Variants in USP38 observed in about 807,000 individuals in gnomAD.
USP38 encodes ubiquitin specific peptidase 38, also known as ubiquitin carboxyl-terminal hydrolase 38.
In USP38, 49 loss-of-function variants were observed where a neutral mutation model predicts 94.3. The ratio of observed to expected loss-of-function variants is 0.52; its 90% CI spans 0.41 to 0.66. USP38 has a LOEUF of 0.66. USP38 is among the 30% of genes least tolerant of loss of function. The pLI is 0.00. For synonymous variants in USP38, 468 were observed against 463.6 expected, an observed-to-expected ratio of 1.01 and a Z score of -0.12; for missense variants, 1,128 against 1,229.4, an observed-to-expected ratio of 0.92 and a Z score of 1.23.
chr4:143,204,669 A>ACCACACC, intron 5 of USP38: 7 of 292,750 alleles, frequency 2.4e-5, no homozygotes, highest in South Asian at 5.6e-5. Context: ...GGCATGAGCC[A>ACCACACC]CTGTGCCTAG....
Position 143,185,096 on chromosome 4 carries a change from A to C in USP38, c.-355A>C. ...GGCGTGCTTCCTCCACCCGCCGGCT[A>C]GCAGCCCCGGGCCCTGAGCTCCCGC... On this transcript the variant is annotated 5_prime_UTR_variant, in exon 1 of 10. Transcript: ENST00000307017. 3 of 190,452 alleles carry C rather than the reference A, an allele frequency of 1.6e-5. No homozygotes were observed. The highest frequency in any genetic ancestry group is 1.1e-5 in the Non-Finnish European group (1 of 93,948). 11.8% of individuals were successfully genotyped at this position (190,452 alleles called of 1,614,324 possible). A position where few individuals can be genotyped will look rare whatever the true frequency, so the allele number is the denominator to read the frequency against.
rs747002406 is a variant in USP38 at position 143,214,160 on chromosome 4, A to G, written c.2184A>G (p.Pro728=). 1.2e-6 allele frequency: 2 copies of G among 1,612,818 alleles called. No homozygotes were observed. The highest frequency in any genetic ancestry group is 8.5e-7 in the Non-Finnish European group (1 of 1,179,566). Reference sequence around the variant, plus strand: ...ACTTACTAAATTATTTTTTGGCTCCAGAGATTCTTACTGGTGATAACCAAT... The same window carrying G: ...ACTTACTAAATTATTTTTTGGCTCCGGAGATTCTTACTGGTGATAACCAAT... ...VTDLLNYFLA[P]EILTGDNQYY... The change falls in exon 9 of 10, where the codon CCA becomes CCG. Residue 728 remains proline, a synonymous_variant. Coordinates refer to ENST00000307017, the MANE Select transcript of USP38 (RefSeq NM_032557.6).
rs752552128 is a variant in USP38 at position 143,214,527 on chromosome 4, A to G, written c.2551A>G (p.Ile851Val). The change falls in exon 9 of 10, where the codon ATA becomes GTA. Residue 851 changes from isoleucine to valine, a missense_variant. Ile to Val is a conservative substitution (Grantham distance 29). Transcript: ENST00000307017. ...LLSSVVVHSG[I>V]SSESGHYYSY... ...AAGTTCCGTTGTGGTTCACTCTGGT[A>G]TATCCTCTGAAAGTGGGCATTACTA... 12 of 1,613,532 alleles carry G rather than the reference A, an allele frequency of 7.4e-6. No homozygotes were observed. The Admixed American group carries it at 1.8e-4, about 25-fold the overall frequency.
intron 9 of USP38, among the ~76,000 whole-genome samples, 193 bp from the exon 10 acceptor site, chr4:143,220,102 T>A (rs1732284189): frequency 6.6e-6 from 1 of 152,118 alleles, no homozygotes; most frequent in Admixed American, 6.5e-5. Context: ...TTCCAGTATG[T>A]TTTAGAGAGT....
chr4:143,214,194 G>A lies in USP38; in HGVS notation c.2218G>A (p.Glu740Lys). The change falls in exon 9 of 10, where the codon GAA becomes AAA. Residue 740 changes from glutamate (E) to lysine (K), a missense_variant. Glu to Lys is a moderately conservative substitution (Grantham distance 56). Coordinates refer to ENST00000307017, the MANE Select transcript of USP38 (RefSeq NM_032557.6). ...ILTGDNQYYC[E>K]NCASLQNAEK... ...TACTGGTGATAACCAATATTATTGT[G>A]AAAACTGTGCCTCTCTGCAAAATGC... The A allele has an allele frequency of 6.2e-7, 1 of 1,613,592 alleles. No individual in the cohort carries two copies. The highest frequency in any genetic ancestry group is 8.5e-7 in the Non-Finnish European group (1 of 1,179,808).
intron 8 of USP38, among the ~76,000 whole-genome samples, chr4:143,212,659 C>CA (rs1732060503): frequency 6.6e-6 from 1 of 151,940 alleles, no homozygotes; most frequent in South Asian, 2.1e-4. Flanking sequence ...TGCGGGTTCC[C>CA]AAAACACTTT....
intron 6 of USP38, among the ~76,000 whole-genome samples, chr4:143,208,420 A>C (rs1013722523): frequency 2.0e-5 from 3 of 152,076 alleles, no homozygotes; most frequent in Admixed American, 2.0e-4. Context: ...TATCTTTCAA[A>C]TTGCTCTCCA....
At chr4:143,208,330 T>C (rs1365896023) in intron 6 of USP38, among the ~76,000 whole-genome samples, 1 of 152,140 alleles carries the variant, frequency 6.6e-6, no homozygotes, top group African/African-American at 2.4e-5. Flanking sequence ...GTTTTGCTTA[T>C]AATTAACATC....
intron 2 of USP38, among the ~76,000 whole-genome samples, chr4:143,192,769 G>A (rs28704746): frequency 0.059 from 8,902 of 151,742 alleles, 771 homozygotes; most frequent in African/African-American, 0.19. Flanking sequence ...AATTTTGGAG[G>A]GACACAAACA....
chr4:143,195,592 T>G (rs1244836486), intron 2 of USP38, 124 bp from the exon 3 acceptor site: 5 of 1,054,116 alleles, frequency 4.7e-6, no homozygotes, highest in Non-Finnish European at 5.2e-6. Flanking sequence ...GGTCAGTGCT[T>G]TTCACCAGCA....
intron 2 of USP38, among the ~76,000 whole-genome samples, chr4:143,192,410 C>T (rs1219646741): frequency 3.9e-5 from 6 of 152,192 alleles, no homozygotes; most frequent in African/African-American, 7.2e-5. Flanking sequence ...GTGATCCAGC[C>T]GCCTTGGCCT....
At chr4:143,196,857 C>T (rs373731835) in intron 3 of USP38, among the ~76,000 whole-genome samples, 2 of 152,282 alleles carry the variant, frequency 1.3e-5, no homozygotes, top group South Asian at 4.1e-4. Flanking sequence ...CTTTCACTTG[C>T]TCAAGCCAAA....
At position 143,220,348 on chromosome 4, in the gene USP38, T is replaced by G; in HGVS notation, c.3021T>G (p.Cys1007Trp). ...CCCTCCAAGCTGCATCTGCTTCATG[T>G]TCATTTCGGCCCAATGGATTTGATG... ...ARALQAASAS[C>W]SFRPNGFDDN... The change falls in exon 10 of 10, where the codon TGT becomes TGG. Residue 1007 changes from cysteine (C) to tryptophan (W), a missense_variant. Coordinates refer to ENST00000307017, the MANE Select transcript of USP38 (RefSeq NM_032557.6). 1 of 1,613,434 alleles carries G rather than the reference T, an allele frequency of 6.2e-7. No individual in the cohort carries two copies.
intron 5 of USP38, chr4:143,204,480 C>A: frequency 2.3e-6 from 1 of 444,352 alleles, no homozygotes; most frequent in Non-Finnish European, 4.5e-6. Flanking sequence ...GCCTCTACAT[C>A]TTGAGCTCAA....
intron 9 of USP38, among the ~76,000 whole-genome samples, chr4:143,216,936 A>G (rs370664497): frequency 6.6e-6 from 1 of 152,082 alleles, no homozygotes; most frequent in Non-Finnish European, 1.5e-5. Flanking sequence ...CGGATAACCA[A>G]GTAGCTGGGA....
Position 143,185,587 on chromosome 4 carries a change from C to G in USP38, c.137C>G (p.Thr46Ser), listed in dbSNP as rs1731195311. The G allele has an allele frequency of 6.2e-7, 1 of 1,614,178 alleles. No individual in the cohort carries two copies. The highest frequency in any genetic ancestry group is 8.5e-7 in the Non-Finnish European group (1 of 1,180,028). The change falls in exon 1 of 10, where the codon ACC (threonine) becomes AGC (serine). Residue 46 changes from threonine to serine, a missense_variant. Coordinates refer to ENST00000307017, the MANE Select transcript of USP38 (RefSeq NM_032557.6). The part of the protein sequence containing the change: ...AQCEAMFDLT[T>S]RLILEGQDPF... ...TGCGAGGCCATGTTTGACCTGACGA[C>G]CCGGCTCATCCTGGAGGGCCAGGAC...
In USP38 at chr4:143,206,198, G is replaced by T; in HGVS notation, c.1375G>T (p.Val459Phe). The change falls in exon 6 of 10, where the codon GTT (valine) becomes TTT (phenylalanine). Residue 459 changes from valine (V) to phenylalanine (F), a missense_variant. Coordinates refer to ENST00000307017, the MANE Select transcript of USP38 (RefSeq NM_032557.6). ...NLGNTCYMNS[V>F]IQALFMATDF... The stretch of plus-strand genomic sequence containing the variant: ...AGGAAATACATGTTATATGAACAGT[G>T]TTATACAAGCCTTGTTTATGGCCAC... 1 of 1,603,886 alleles carries T rather than the reference G, an allele frequency of 6.2e-7. No individual in the cohort carries two copies. Among genetic ancestry groups the T allele is most frequent in the Non-Finnish European group, 8.5e-7 (1 of 1,176,620 alleles).
chr4:143,199,145 C>T (rs543774287), intron 4 of USP38, among the ~76,000 whole-genome samples: 6 of 152,260 alleles, frequency 3.9e-5, no homozygotes, highest in East Asian at 1.9e-4. Flanking sequence ...CCACTCTCCC[C>T]GCTCAAGTAG....
chr4:143,222,748 T>G lies in USP38; in HGVS notation c.*2292T>G, dbSNP rs1732355478. 1 of 152,116 alleles carries G rather than the reference T, an allele frequency of 6.6e-6. No homozygotes were observed. The highest frequency in any genetic ancestry group is 2.1e-4 in the South Asian group (1 of 4,834). 9.4% of individuals were successfully genotyped at this position (152,116 alleles called of 1,614,324 possible). On this transcript the variant is annotated 3_prime_UTR_variant, in exon 10 of 10. Transcript: ENST00000307017. ...GAACCAGAATAATCAGAAACTTCAT[T>G]CAAAACCTATGCATCTGAACTTTTT...
Sources: allele counts gnomAD v4.1 joint callset (sites outside exome capture counted in the v4.1 genomes callset), GRCh38; gene constraint gnomAD v4.1.1; transcripts MANE v1.5; gene names NCBI Gene and HGNC (gene_info 2026-07-23, HGNC 2026-07-21).